PIK3C2G: variants seen among roughly 807,000 people sequenced by gnomAD.
PIK3C2G encodes the protein phosphatidylinositol 3-kinase C2 domain-containing subunit gamma.
In PIK3C2G, 168 loss-of-function variants were observed where a neutral mutation model predicts 181.1. The observed-to-expected ratio is 0.93, with a 90% CI of 0.82 to 1.05. The LOEUF (loss-of-function observed/expected upper bound fraction) is 1.05, where lower values mean the gene tolerates loss of function less well. PIK3C2G is among the 50% of genes least tolerant of loss of function. PIK3C2G has a pLI of 0.00. For missense variants in PIK3C2G, 1,869 were observed against 1,732.8 expected, an observed-to-expected ratio of 1.08 and a Z score of -1.40; for synonymous variants, 573 against 592.2, an observed-to-expected ratio of 0.97 and a Z score of 0.47.
chr12:18,704,791 G>T, the PIK3C2G span, among the ~76,000 whole-genome samples: 1 of 152,098 alleles, frequency 6.6e-6, no homozygotes, highest in East Asian at 1.9e-4. Flanking sequence ...AGGGGAACTT[G>T]CTACCCAGCT....
chr12:18,409,486 T>C (rs1047029783), intron 16 of PIK3C2G, among the ~76,000 whole-genome samples: 35 of 152,182 alleles, frequency 2.3e-4, no homozygotes, highest in Admixed American at 1.3e-3. Context: ...CCATGGCATG[T>C]GTATACCTAT....
At chr12:18,644,669 T>C (rs1183837853) in intron 32 of PIK3C2G, among the ~76,000 whole-genome samples, 1 of 152,146 alleles carries the variant, frequency 6.6e-6, no homozygotes, top group African/African-American at 2.4e-5. Context: ...GAAAATTGTA[T>C]TTGTAAGTGA....
the PIK3C2G span, among the ~76,000 whole-genome samples, chr12:18,677,494 T>G: frequency 3.3e-5 from 5 of 152,044 alleles, no homozygotes; most frequent in East Asian, 7.7e-4. Flanking sequence ...GAGTTTCCAG[T>G]TCAGGAGGTC....
intron 32 of PIK3C2G, among the ~76,000 whole-genome samples, chr12:18,643,837 A>C (rs933750099): frequency 1.1e-4 from 17 of 152,042 alleles, no homozygotes; most frequent in African/African-American, 4.1e-4. Context: ...GTACTGCTGC[A>C]TCAACCACTC....
At chr12:18,592,572 T>C (rs1422207772) in intron 29 of PIK3C2G, among the ~76,000 whole-genome samples, 2 of 151,832 alleles carry the variant, frequency 1.3e-5, no homozygotes, top group African/African-American at 4.8e-5. Context: ...TGAGTAGAAA[T>C]TGAAGAAGTG....
Position 18,555,064 on chromosome 12 carries a change from T to A in PIK3C2G, c.3591-7639T>A, listed in dbSNP as rs1021606225. Among the ~76,000 whole-genome samples the A allele has an allele frequency of 2.6e-5, 4 of 151,630 alleles. No individual in the cohort carries two copies. In the East Asian group the frequency reaches 7.7e-4, roughly 29 times the overall value. On this transcript the variant is annotated intron_variant, in intron 26 of 32. Coordinates refer to ENST00000538779, the MANE Select transcript of PIK3C2G (RefSeq NM_001288772.2). ...ACAGTATCAGTGGTAAAATAAAGAA[T>A]GTTCTCATGCAAATTCCTTCACAGA...
At chr12:18,565,107 G>T (rs561332159) in intron 28 of PIK3C2G, among the ~76,000 whole-genome samples, 2 of 152,242 alleles carry the variant, frequency 1.3e-5, no homozygotes, top group East Asian at 3.9e-4. Context: ...CTGTTTGCAT[G>T]CTGACACTCA....
At chr12:18,261,083 A>C (rs1359522433), upstream of PIK3C2G, among the ~76,000 whole-genome samples, 1 of 152,140 alleles carries the variant, frequency 6.6e-6, no homozygotes, top group African/African-American at 2.4e-5. Context: ...AAATACCTCG[A>C]TAGGTGAAAC....
At chr12:18,440,313 G>A (rs1946673082) in intron 18 of PIK3C2G, among the ~76,000 whole-genome samples, 1 of 151,962 alleles carries the variant, frequency 6.6e-6, no homozygotes, top group Admixed American at 6.6e-5. Context: ...CCACATTGTA[G>A]TCTTCAGGGA....
At chr12:18,674,034 G>A in the PIK3C2G span, among the ~76,000 whole-genome samples, 1 of 152,186 alleles carries the variant, frequency 6.6e-6, no homozygotes, top group Non-Finnish European at 1.5e-5. Flanking sequence ...ATTACACAAA[G>A]CTGTGAGTAT....
At chr12:18,284,946 A>G (rs1479911120) in intron 2 of PIK3C2G, among the ~76,000 whole-genome samples, 5 of 152,178 alleles carry the variant, frequency 3.3e-5, no homozygotes, top group Non-Finnish European at 7.4e-5. Flanking sequence ...AATAGGGAGC[A>G]AAATTAATTT....
intron 30 of PIK3C2G, among the ~76,000 whole-genome samples, chr12:18,598,890 T>C (rs1592682746): frequency 6.6e-6 from 1 of 151,846 alleles, no homozygotes; most frequent in African/African-American, 2.4e-5. Context: ...AAAAAACACA[T>C]GAGAAAATGC....
At chr12:18,626,000 T>G (rs552938815) in intron 31 of PIK3C2G, among the ~76,000 whole-genome samples, 1 of 152,018 alleles carries the variant, frequency 6.6e-6, no homozygotes, top group Non-Finnish European at 1.5e-5. Context: ...ATTAAAGAAT[T>G]TAATACATTT....
At chr12:18,263,471 C>G (rs573793595) in intron 1 of PIK3C2G, among the ~76,000 whole-genome samples, 1 of 152,174 alleles carries the variant, frequency 6.6e-6, no homozygotes, top group Non-Finnish European at 1.5e-5. Flanking sequence ...TGACTGATCA[C>G]TCTACAAATG....
chr12:18,477,799 T>C (rs1426568749), intron 18 of PIK3C2G, among the ~76,000 whole-genome samples: 1 of 152,138 alleles, frequency 6.6e-6, no homozygotes, highest in Non-Finnish European at 1.5e-5. Flanking sequence ...CCAGCTGTGA[T>C]TTGAAGCTGA....
At chr12:18,277,466 A>G (rs537061526) in intron 1 of PIK3C2G, among the ~76,000 whole-genome samples, 1 of 152,298 alleles carries the variant, frequency 6.6e-6, no homozygotes, top group African/African-American at 2.4e-5. Context: ...ACATTGACAC[A>G]TCCTGTCTTG....
At chr12:18,261,999 C>T (rs1054380665) in intron 1 of PIK3C2G, among the ~76,000 whole-genome samples, 3 of 152,184 alleles carry the variant, frequency 2.0e-5, no homozygotes, top group African/African-American at 2.4e-5. Flanking sequence ...AGCTTGTAGA[C>T]GGCATCCCCA....
chr12:18,286,587 G>T (rs1477467478), intron 2 of PIK3C2G, among the ~76,000 whole-genome samples: 1 of 151,874 alleles, frequency 6.6e-6, no homozygotes, highest in Non-Finnish European at 1.5e-5. Context: ...AAAGACATGG[G>T]GACATTTTCT....
intron 16 of PIK3C2G, among the ~76,000 whole-genome samples, chr12:18,411,015 C>T (rs1270698161): frequency 6.6e-6 from 1 of 152,118 alleles, no homozygotes; most frequent in African/African-American, 2.4e-5. Context: ...TACTATCCAT[C>T]AGGAAATATC....
Sources: gnomAD v4.1 joint callset for allele counts (sites outside exome capture counted in the v4.1 genomes callset) on GRCh38, gnomAD v4.1.1 for gene constraint, MANE v1.5 for transcripts, NCBI Gene and HGNC (gene_info 2026-07-23, HGNC 2026-07-21) for gene names.